LYRM7: variants seen among roughly 807,000 people sequenced by gnomAD.
The protein encoded by LYRM7 is complex III assembly factor LYRM7.
In LYRM7, 9 loss-of-function variants were observed where a neutral mutation model predicts 15.8. The ratio of observed to expected loss-of-function variants is 0.57; its 90% CI spans 0.34 to 0.99. The LOEUF is 0.99. Among genes scored for constraint, LYRM7 ranks in the 50% least tolerant of loss-of-function variants. The probability of loss-of-function intolerance (pLI) is 0.02; values close to 1 mark genes in which losing one functional copy is unlikely to be tolerated. For missense variants in LYRM7, 115 were observed against 119.1 expected, an observed-to-expected ratio of 0.97 and a Z score of 0.16; for synonymous variants, 39 against 39.4, an observed-to-expected ratio of 0.99 and a Z score of 0.04.
intron 4 of LYRM7, among the ~76,000 whole-genome samples, chr5:131,198,552 T>G (rs1472182597): frequency 6.6e-6 from 1 of 152,028 alleles, no homozygotes; most frequent in Non-Finnish European, 1.5e-5. Flanking sequence ...TCAATGTATC[T>G]CCTCAAAAAT....
At chr5:131,179,789 A>C (rs1755661646) in intron 1 of LYRM7, among the ~76,000 whole-genome samples, 1 of 152,100 alleles carries the variant, frequency 6.6e-6, no homozygotes, top group South Asian at 2.1e-4. Context: ...TACAAAAATT[A>C]GCCAGGCTTG....
At chr5:131,194,312 G>A (rs1348253737) in intron 4 of LYRM7, among the ~76,000 whole-genome samples, 1 of 152,198 alleles carries the variant, frequency 6.6e-6, no homozygotes, top group East Asian at 1.9e-4. Context: ...GAAGAATTCA[G>A]TTGTAAAATA....
chr5:131,178,601 T>C (rs1206056228), intron 1 of LYRM7, among the ~76,000 whole-genome samples: 3 of 151,918 alleles, frequency 2.0e-5, no homozygotes, highest in Non-Finnish European at 4.4e-5. Flanking sequence ...TTTTCTCTCT[T>C]TTTATTTTTT....
At position 131,204,852 on chromosome 5, in the gene LYRM7, A is replaced by G. The variant is rs995784284; in HGVS notation, c.*5251A>G. 5 of 152,198 alleles carry G rather than the reference A, an allele frequency of 3.3e-5. No individual in the cohort carries two copies. The highest frequency in any genetic ancestry group is 7.4e-5 in the Non-Finnish European group (5 of 68,012). 9.4% of individuals were successfully genotyped at this position (152,198 alleles called of 1,614,324 possible). A position where few individuals can be genotyped will look rare whatever the true frequency, so the allele number is the denominator to read the frequency against. On this transcript the variant is annotated 3_prime_UTR_variant, in exon 5 of 5. Coordinates refer to ENST00000379380, the MANE Select transcript of LYRM7 (RefSeq NM_181705.4). ...ATGTACAAATGGGTAGAAACGATAC[A>G]TGATTAATCTTAATCGGGAAGGAAA...
Position 131,186,183 on chromosome 5 carries a change from A to G in LYRM7, c.163-845A>G, listed in dbSNP as rs147044830. 3.3e-5 allele frequency among the ~76,000 whole-genome samples: 5 copies of G among 152,282 alleles called. No individual in the cohort carries two copies. The East Asian group carries it at 7.7e-4, about 24-fold the overall frequency. ...ATTATTTGATGAGGTCTGAAACTCAAAGAGAGTAGGTGATTAACCCAAGGC... is the reference window on the plus strand; with the variant it reads ...ATTATTTGATGAGGTCTGAAACTCAGAGAGAGTAGGTGATTAACCCAAGGC... On this transcript the variant is annotated intron_variant, in intron 3 of 4. Transcript: ENST00000379380.
rs1756117309 is a variant in LYRM7 at position 131,203,711 on chromosome 5, T to G, written c.*4110T>G. On this transcript the variant is annotated 3_prime_UTR_variant, in exon 5 of 5. Coordinates refer to ENST00000379380, the MANE Select transcript of LYRM7 (RefSeq NM_181705.4). ...TCCATCTCAAAAATAGAAAAAACAT[T>G]TATCGAAATCCCAACAAGTTGACAA... 6.6e-6 allele frequency: 1 copy of G among 152,256 alleles called. No homozygotes were observed. The highest frequency in any genetic ancestry group is 2.1e-4 in the South Asian group (1 of 4,826). The allele number at this position is 152,256 out of a possible 1,614,324, so 9.4% of individuals were successfully genotyped here.
intron 4 of LYRM7, among the ~76,000 whole-genome samples, chr5:131,197,000 A>G (rs1170580775): frequency 2.0e-5 from 3 of 152,144 alleles, no homozygotes; most frequent in East Asian, 3.9e-4. Flanking sequence ...TAAATCTCTT[A>G]CTTATTTAAA....
At chr5:131,180,303 T>A in intron 2 of LYRM7, 136 bp downstream of exon 2, 1 of 516,618 alleles carries the variant, frequency 1.9e-6, no homozygotes, top group Non-Finnish European at 3.4e-6. Context: ...TTTATAAAGA[T>A]TAGCTTATAT....
At chr5:131,189,951 AGTAAAACCCT>A (rs1227844480) in intron 4 of LYRM7, among the ~76,000 whole-genome samples, 1 of 151,972 alleles carries the variant, frequency 6.6e-6, no homozygotes, top group Admixed American at 6.6e-5. Context: ...AGGGCAACAT[AGTAAAACCCT>A]GTCTCTACCA....
Position 131,202,131 on chromosome 5 carries a change from G to T in LYRM7, c.*2530G>T, listed in dbSNP as rs969259313. On this transcript the variant is annotated 3_prime_UTR_variant, in exon 5 of 5. Transcript: ENST00000379380. Reference sequence around the variant, plus strand: ...TTACAGGTGTAAGCCACTGCACCCTGCCTATTCTTATAATCATATATTTAT... The same window carrying T: ...TTACAGGTGTAAGCCACTGCACCCTTCCTATTCTTATAATCATATATTTAT... 29 of 152,150 alleles carry T rather than the reference G, an allele frequency of 1.9e-4. No homozygotes were observed. Among genetic ancestry groups the T allele is most frequent in the African/African-American group, 6.7e-4 (28 of 41,524 alleles). 9.4% of individuals were successfully genotyped at this position (152,150 alleles called of 1,614,324 possible). A position where few individuals can be genotyped will look rare whatever the true frequency, so the allele number is the denominator to read the frequency against.
At chr5:131,190,719 G>T (rs1755872737) in intron 4 of LYRM7, among the ~76,000 whole-genome samples, 1 of 151,664 alleles carries the variant, frequency 6.6e-6, no homozygotes, top group Admixed American at 6.6e-5. Flanking sequence ...TGGAACTCCT[G>T]ACCTCAGGTG....
At chr5:131,181,150 G>A (rs1382545037) in intron 2 of LYRM7, among the ~76,000 whole-genome samples, 3 of 148,768 alleles carry the variant, frequency 2.0e-5, no homozygotes, top group Non-Finnish European at 4.5e-5. Flanking sequence ...AATTAGCCGG[G>A]CATGGTGGCA....
intron 1 of LYRM7, among the ~76,000 whole-genome samples, chr5:131,175,269 G>A (rs1415317309): frequency 2.7e-5 from 4 of 147,230 alleles, no homozygotes; most frequent in East Asian, 2.0e-4. Flanking sequence ...GCGCAATCTC[G>A]GCTCACCACA....
intron 3 of LYRM7, among the ~76,000 whole-genome samples, chr5:131,184,915 C>T (rs1755771851): frequency 6.6e-6 from 1 of 152,132 alleles, no homozygotes. Flanking sequence ...GACCAAAAAC[C>T]TTGGTGCTTT....
intron 4 of LYRM7, among the ~76,000 whole-genome samples, chr5:131,198,415 T>A (rs1249710815): frequency 6.6e-6 from 1 of 152,226 alleles, no homozygotes; most frequent in Non-Finnish European, 1.5e-5. Flanking sequence ...TCCTTCAGTC[T>A]TTCTTCGTCT....
At chr5:131,177,937 A>G (rs977087654) in intron 1 of LYRM7, among the ~76,000 whole-genome samples, 3 of 151,402 alleles carry the variant, frequency 2.0e-5, no homozygotes, top group Non-Finnish European at 4.4e-5. Context: ...ATTCTGGGCA[A>G]TTTTTCTCAA....
At chr5:131,179,589 C>T (rs1431018569) in intron 1 of LYRM7, among the ~76,000 whole-genome samples, 6 of 150,590 alleles carry the variant, frequency 4.0e-5, no homozygotes, top group South Asian at 2.1e-4. Flanking sequence ...CCACTTCAGC[C>T]GCCCAAGTAG....
rs767928754 is a variant in LYRM7 at position 131,182,318 on chromosome 5, T to C, written c.162+19T>C. 15 of 1,370,478 alleles carry C rather than the reference T, an allele frequency of 1.1e-5. No individual in the cohort carries two copies. Among genetic ancestry groups the C allele is most frequent in the Non-Finnish European group, 1.5e-5 (15 of 1,021,780 alleles). 84.9% of individuals were successfully genotyped at this position (1,370,478 alleles called of 1,614,324 possible). A position where few individuals can be genotyped will look rare whatever the true frequency, so the allele number is the denominator to read the frequency against. On this transcript the variant is annotated intron_variant, in intron 3 of 4. Coordinates refer to ENST00000379380, the MANE Select transcript of LYRM7 (RefSeq NM_181705.4). The stretch of plus-strand genomic sequence containing the variant: ...AGAAGAGGTACAGTAATTTTTTCAA[T>C]TATAGTAAAACTTATACAATTATCT...
At chr5:131,180,454 C>G (rs1755673643) in intron 2 of LYRM7, among the ~76,000 whole-genome samples, 1 of 152,106 alleles carries the variant, frequency 6.6e-6, no homozygotes, top group African/African-American at 2.4e-5. Flanking sequence ...ATTGAACTTT[C>G]TGTTACATAA....
Sources: allele counts gnomAD v4.1 joint callset (sites outside exome capture counted in the v4.1 genomes callset), GRCh38; gene constraint gnomAD v4.1.1; transcripts MANE v1.5; gene names NCBI Gene and HGNC (gene_info 2026-07-23, HGNC 2026-07-21).